The following RNF182 variants were observed in gnomAD, a reference collection of about 807,000 sequenced individuals.
RNF182 encodes the protein E3 ubiquitin-protein ligase RNF182.
RNF182 carries 15 observed loss-of-function variants against 14.4 expected under a neutral mutation model. That is an observed-to-expected ratio of 1.04 (90% CI 0.70 to 1.60). The LOEUF (loss-of-function observed/expected upper bound fraction) is 1.60. RNF182 is among the 40% of genes most tolerant of loss of function. The pLI is 0.00. For synonymous variants in RNF182, 128 were observed against 122.9 expected (o/e 1.04, Z -0.27); for missense variants, 268 against 294.8 (o/e 0.91, Z 0.67).
chr6:13,967,450 T>G (rs1184277039), intron 1 of RNF182, among the ~76,000 whole-genome samples: 2 of 152,210 alleles, frequency 1.3e-5, no homozygotes, highest in Non-Finnish European at 2.9e-5. Context: ...CTCACTTGTT[T>G]TGACCTGTGA....
intron 1 of RNF182, among the ~76,000 whole-genome samples, chr6:13,971,752 C>G (rs1394540234): frequency 6.6e-6 from 1 of 152,086 alleles, no homozygotes; most frequent in Non-Finnish European, 1.5e-5. Context: ...GAGGTTGTCT[C>G]AGATGGAGAT....
intron 1 of RNF182, among the ~76,000 whole-genome samples, chr6:13,968,113 A>G (rs1760081622): frequency 6.6e-6 from 1 of 152,232 alleles, no homozygotes; most frequent in Non-Finnish European, 1.5e-5. Context: ...GCTGAAATTA[A>G]TGAAATTAAA....
chr6:13,928,310 C>T (rs1238001538), intron 1 of RNF182, among the ~76,000 whole-genome samples: 3 of 152,142 alleles, frequency 2.0e-5, no homozygotes. Context: ...GGACATCAGT[C>T]ATCAAATGTT....
intron 1 of RNF182, among the ~76,000 whole-genome samples, chr6:13,962,127 A>G (rs767228560): frequency 6.6e-6 from 1 of 152,224 alleles, no homozygotes; most frequent in African/African-American, 2.4e-5. Context: ...TGAGGCCAAC[A>G]TATTATTGTT....
intron 1 of RNF182, among the ~76,000 whole-genome samples, chr6:13,959,441 T>C (rs1476516111): frequency 6.6e-6 from 1 of 152,220 alleles, no homozygotes; most frequent in East Asian, 1.9e-4. Context: ...ATGGTAGATA[T>C]AATCCCATTT....
chr6:13,969,842 G>GC, intron 1 of RNF182, among the ~76,000 whole-genome samples: 1 of 65,730 alleles, frequency 1.5e-5, no homozygotes, highest in Middle Eastern at 8.6e-3. Flanking sequence ...AGGAATACCA[G>GC]CTTCATATAT....
Position 13,933,910 on chromosome 6 carries a change from C to G in RNF182, c.-367+8887C>G, listed in dbSNP as rs112204713. The stretch of plus-strand genomic sequence containing the variant: ...GCATGCGCCTGTAGTCCCAGCTACT[C>G]GGGAAGCTGAGGCAGGAGAATCGCT... On this transcript the variant is annotated intron_variant, in intron 1 of 2. Transcript: ENST00000488300. 1.8e-3 allele frequency among the ~76,000 whole-genome samples: 281 copies of G among 152,054 alleles called. 2 individuals are homozygous for G. Among genetic ancestry groups the G allele is most frequent in the African/African-American group, 6.4e-3 (265 of 41,466 alleles).
intron 1 of RNF182, among the ~76,000 whole-genome samples, chr6:13,964,914 C>T (rs998874590): frequency 1.3e-5 from 2 of 152,192 alleles, no homozygotes; most frequent in African/African-American, 4.8e-5. Context: ...ACTGCTAGAT[C>T]ACAGGAGAAG....
At position 13,946,083 on chromosome 6, in the gene RNF182, A is replaced by G. The variant is rs1759432018; in HGVS notation, c.-367+21060A>G. ...TTACTACAAGGGTTTGTGACAAAGT[A>G]TTGTTAATCTTTGTGTAACTACTTT... On this transcript the variant is annotated intron_variant, in intron 1 of 2. Transcript: ENST00000488300. Among the ~76,000 whole-genome samples, 4 of 151,882 alleles carry G rather than the reference A, an allele frequency of 2.6e-5. No individual in the cohort carries two copies. The South Asian group carries it at 8.3e-4, about 32-fold the overall frequency.
At chr6:13,937,513 T>G (rs1759162068) in intron 1 of RNF182, among the ~76,000 whole-genome samples, 1 of 152,236 alleles carries the variant, frequency 6.6e-6, no homozygotes, top group Non-Finnish European at 1.5e-5. Context: ...TTTTTGTCTC[T>G]CTCATTTTGG....
chr6:13,960,671 G>T (rs1759850575), intron 1 of RNF182, among the ~76,000 whole-genome samples: 1 of 104,298 alleles, frequency 9.6e-6, no homozygotes, highest in East Asian at 3.3e-4. Context: ...GTGTGTGTGT[G>T]TGTGTGTGTG....
At chr6:13,933,995 G>T (rs1759042511) in intron 1 of RNF182, among the ~76,000 whole-genome samples, 1 of 152,040 alleles carries the variant, frequency 6.6e-6, no homozygotes. Flanking sequence ...TCCAGCCTGG[G>T]CAACAGGGGA....
chr6:13,957,471 TG>T (rs1342775669), intron 1 of RNF182, among the ~76,000 whole-genome samples: 1 of 152,234 alleles, frequency 6.6e-6, no homozygotes, highest in Non-Finnish European at 1.5e-5. Flanking sequence ...AAAACCTTTT[TG>T]CCCATTATTA....
At chr6:13,931,466 T>C (rs1171252648) in intron 1 of RNF182, among the ~76,000 whole-genome samples, 1 of 152,148 alleles carries the variant, frequency 6.6e-6, no homozygotes. Context: ...GTTAGAAGTT[T>C]GGAAAGATGT....
intron 1 of RNF182, among the ~76,000 whole-genome samples, chr6:13,952,144 T>C (rs1759610911): frequency 6.6e-6 from 1 of 152,126 alleles, no homozygotes; most frequent in Non-Finnish European, 1.5e-5. Context: ...AAAAGCATTG[T>C]CTGTTGTGGG....
At chr6:13,938,005 T>G (rs13212986) in intron 1 of RNF182, among the ~76,000 whole-genome samples, 1 of 20,376 alleles carries the variant, frequency 4.9e-5, no homozygotes, top group African/African-American at 7.9e-5. Context: ...TTTCTTACTG[T>G]TTTTTTTTTT....
chr6:13,941,204 T>G (rs544203076), intron 1 of RNF182, among the ~76,000 whole-genome samples: 1 of 152,246 alleles, frequency 6.6e-6, no homozygotes, highest in African/African-American at 2.4e-5. Context: ...CTACCTTTCA[T>G]TCTGTCAGTT....
At chr6:13,943,193 T>C (rs2113600939) in intron 1 of RNF182, among the ~76,000 whole-genome samples, 1 of 152,292 alleles carries the variant, frequency 6.6e-6, no homozygotes, top group East Asian at 1.9e-4. Context: ...ATAAAAAATA[T>C]TTAATAACAT....
At chr6:13,975,869 C>T (rs1760309654) in intron 2 of RNF182, among the ~76,000 whole-genome samples, 1 of 152,160 alleles carries the variant, frequency 6.6e-6, no homozygotes, top group Admixed American at 6.5e-5. Context: ...ACCAAAAATA[C>T]TACATATATT....
Sources: gnomAD v4.1 joint callset for allele counts (sites outside exome capture counted in the v4.1 genomes callset) on GRCh38, gnomAD v4.1.1 for gene constraint, MANE v1.5 for transcripts, NCBI Gene and HGNC (gene_info 2026-07-23, HGNC 2026-07-21) for gene names.